FSTL1: variants seen among roughly 807,000 people sequenced by gnomAD.
The protein encoded by FSTL1 is follistatin like 1, also known as follistatin-related protein 1.
A neutral mutation model predicts 45.9 loss-of-function variants in FSTL1; 24 were observed. The ratio of observed to expected loss-of-function variants is 0.52; its 90% CI spans 0.38 to 0.74. FSTL1 has a LOEUF of 0.74. Among genes scored for constraint, FSTL1 ranks in the 30% least tolerant of loss-of-function variants. FSTL1 has a pLI of 0.00. For synonymous variants in FSTL1, 120 were observed against 137.6 expected (o/e 0.87, Z 0.89); for missense variants, 340 against 381.8 (o/e 0.89, Z 0.91).
At chr3:120,415,180 A>T (rs1937166224) in intron 3 of FSTL1, among the ~76,000 whole-genome samples, 1 of 151,792 alleles carries the variant, frequency 6.6e-6, no homozygotes, top group Admixed American at 6.6e-5. Context: ...GTTTTTAAAA[A>T]TTTGCATATC....
At chr3:120,413,943 C>T (rs534584642) in intron 3 of FSTL1, among the ~76,000 whole-genome samples, 91 of 152,160 alleles carry the variant, frequency 6.0e-4, no homozygotes, top group Admixed American at 2.8e-3. Flanking sequence ...AGGCTTGCGC[C>T]GCCATGCCTG....
At position 120,415,939 on chromosome 3, in the gene FSTL1, G is replaced by T. The variant is rs779412607; in HGVS notation, c.152C>A (p.Thr51Asn). ...AGGACTTACCTCAATGCAGAGACAG[G>T]TGGGTTCCCCTTTCTCTGTGACTGC... ...ECAVTEKGEP[T>N]CLCIEQCKPH... Residue 51 changes from threonine to asparagine, a missense_variant, in exon 3 of 11, where the codon ACC (threonine) becomes AAC (asparagine). Transcript: ENST00000295633. 9 of 1,611,022 alleles carry T rather than the reference G, an allele frequency of 5.6e-6. No individual in the cohort carries two copies. The South Asian group carries it at 9.9e-5, about 18-fold the overall frequency.
chr3:120,412,832 GCGCGCGCACACACACACACACA>G (rs1937094371), intron 3 of FSTL1, among the ~76,000 whole-genome samples: 2 of 128,518 alleles, frequency 1.6e-5, no homozygotes, highest in Admixed American at 7.7e-5. Flanking sequence ...GCGCGCGCGC[GCGCGCGCACACACACACACACA>G]CACACACACA....
chr3:120,424,701 C>A (rs959672279), intron 2 of FSTL1, among the ~76,000 whole-genome samples: 1 of 151,962 alleles, frequency 6.6e-6, no homozygotes, highest in Non-Finnish European at 1.5e-5. Flanking sequence ...TACAGAATAA[C>A]GAGGTCTGGC....
intron 2 of FSTL1, among the ~76,000 whole-genome samples, chr3:120,434,018 G>C (rs1428808313): frequency 6.6e-6 from 1 of 152,182 alleles, no homozygotes; most frequent in African/African-American, 2.4e-5. Context: ...GGAGTGGCAT[G>C]ATCAGATATG....
At chr3:120,428,563 CT>C (rs1055298692) in intron 2 of FSTL1, among the ~76,000 whole-genome samples, 10 of 152,104 alleles carry the variant, frequency 6.6e-5, no homozygotes, top group African/African-American at 2.2e-4. Context: ...TGAAACCCCC[CT>C]CTCCATTAAA....
chr3:120,405,942 G>T (rs1936939908), intron 6 of FSTL1, among the ~76,000 whole-genome samples: 1 of 152,078 alleles, frequency 6.6e-6, no homozygotes, highest in Non-Finnish European at 1.5e-5. Context: ...CTGCTGCCCT[G>T]GGAAAGGATC....
chr3:120,419,707 T>G (rs1342817248), intron 2 of FSTL1: 1 of 152,178 alleles, frequency 6.6e-6, no homozygotes, highest in East Asian at 1.9e-4. Flanking sequence ...TATGGTGCTT[T>G]GGAATGTTAA....
At chr3:120,412,841 CA>C (rs1559737115) in intron 3 of FSTL1, among the ~76,000 whole-genome samples, 2 of 123,786 alleles carry the variant, frequency 1.6e-5, no homozygotes, top group East Asian at 4.4e-4. Context: ...CGCGCGCGCA[CA>C]CACACACACA....
intron 3 of FSTL1, among the ~76,000 whole-genome samples, chr3:120,414,085 C>T (rs941912119): frequency 4.2e-4 from 64 of 152,076 alleles, no homozygotes; most frequent in African/African-American, 1.4e-3. Context: ...ACTCAGTGCT[C>T]AATGGTGCCC....
chr3:120,412,838 G>C (rs4676780), intron 3 of FSTL1, among the ~76,000 whole-genome samples: 1 of 106,132 alleles, frequency 9.4e-6, no homozygotes, highest in Non-Finnish European at 2.1e-5. Context: ...GCGCGCGCGC[G>C]CACACACACA....
intron 2 of FSTL1, among the ~76,000 whole-genome samples, chr3:120,428,292 T>C (rs1937418259): frequency 6.6e-6 from 1 of 152,168 alleles, no homozygotes; most frequent in African/African-American, 2.4e-5. Flanking sequence ...ATTGGGCACA[T>C]TAGTAAGAAC....
intron 2 of FSTL1, among the ~76,000 whole-genome samples, chr3:120,440,436 G>C (rs1419419141): frequency 6.6e-6 from 1 of 152,214 alleles, no homozygotes; most frequent in African/African-American, 2.4e-5. Context: ...GTGACTATCA[G>C]TCATTTTTCA....
intron 3 of FSTL1, 68 bp downstream of exon 3, chr3:120,415,855 T>C: frequency 9.6e-6 from 8 of 829,616 alleles, no homozygotes; most frequent in Non-Finnish European, 1.5e-5. Flanking sequence ...TGCCTGCTGA[T>C]GGGTGGCTCC....
Position 120,403,362 on chromosome 3 carries a change from A to C in FSTL1, c.582-8T>G, listed in dbSNP as rs766467366. ...GCATCAACACAGAGTCCCCTGAAAC[A>C]AAACACAGGAGAAATGTGTTAGCAA... On this transcript the variant is annotated splice_polypyrimidine_tract_variant and splice_region_variant and intron_variant, in intron 7 of 10. Transcript: ENST00000295633. The C allele has an allele frequency of 3.2e-5, 49 of 1,508,408 alleles. No individual in the cohort carries two copies. The highest frequency in any genetic ancestry group is 4.5e-5 in the Non-Finnish European group (49 of 1,083,460). 93.4% of individuals were successfully genotyped at this position (1,508,408 alleles called of 1,614,324 possible).
At chr3:120,446,594 T>C (rs1276191279) in intron 2 of FSTL1, among the ~76,000 whole-genome samples, 2 of 152,200 alleles carry the variant, frequency 1.3e-5, no homozygotes, top group African/African-American at 4.8e-5. Context: ...CAAGAGATCA[T>C]TTTAGAGATC....
intron 2 of FSTL1, 26 bp downstream of exon 2, chr3:120,450,658 T>G (rs1937873544): frequency 6.6e-7 from 1 of 1,521,456 alleles, no homozygotes; most frequent in African/African-American, 1.4e-5. Context: ...GGGGACCGAG[T>G]TCGGACTCCT....
intron 10 of FSTL1, among the ~76,000 whole-genome samples, chr3:120,399,660 G>A (rs1372215350): frequency 6.6e-6 from 1 of 152,154 alleles, no homozygotes; most frequent in Non-Finnish European, 1.5e-5. Flanking sequence ...CACTCACCGA[G>A]CTGTAACCTA....
chr3:120,414,453 A>T (rs1471801473), intron 3 of FSTL1, among the ~76,000 whole-genome samples: 1 of 152,092 alleles, frequency 6.6e-6, no homozygotes, highest in Non-Finnish European at 1.5e-5. Context: ...GGAAGTGAGG[A>T]GCCCCTCTGC....
Sources: gnomAD v4.1 joint callset for allele counts (sites outside exome capture counted in the v4.1 genomes callset) on GRCh38, gnomAD v4.1.1 for gene constraint, MANE v1.5 for transcripts, NCBI Gene and HGNC (gene_info 2026-07-23, HGNC 2026-07-21) for gene names.